ITPR2: variants seen among roughly 807,000 people sequenced by gnomAD.
The protein encoded by ITPR2 is inositol 1,4,5-trisphosphate-gated calcium channel ITPR2.
ITPR2 carries 207 observed loss-of-function variants against 317.1 expected under a neutral mutation model. That is an observed-to-expected ratio of 0.65 (90% confidence interval 0.58 to 0.73). The LOEUF is 0.73. ITPR2 is among the 30% of genes least tolerant of loss of function. The pLI is 0.00. For synonymous variants in ITPR2, 1,156 were observed against 1,149.1 expected (o/e 1.01, Z -0.12); for missense variants, 2,613 against 3,284.0 (o/e 0.80, Z 4.99).
intron 2 of ITPR2, among the ~76,000 whole-genome samples, chr12:26,775,949 T>TAC (rs1949957942): frequency 6.8e-6 from 1 of 146,522 alleles, no homozygotes; most frequent in African/African-American, 2.5e-5. Context: ...TATATATATG[T>TAC]ATATGTATAT....
intron 55 of ITPR2, among the ~76,000 whole-genome samples, chr12:26,355,181 C>T (rs1283610165): frequency 6.6e-6 from 1 of 152,324 alleles, no homozygotes. Flanking sequence ...GATTTCCTAA[C>T]ATCACTACTC....
chr12:26,480,250 T>C (rs919808782), intron 43 of ITPR2, among the ~76,000 whole-genome samples: 7 of 152,242 alleles, frequency 4.6e-5, no homozygotes, highest in African/African-American at 1.4e-4. Context: ...TAATTTAGTG[T>C]GTATATTAAT....
chr12:26,408,730 G>T (rs1289692791), intron 52 of ITPR2, among the ~76,000 whole-genome samples: 1 of 152,076 alleles, frequency 6.6e-6, no homozygotes, highest in Non-Finnish European at 1.5e-5. Flanking sequence ...GCAATATTTT[G>T]TCTTGAAATC....
intron 52 of ITPR2, among the ~76,000 whole-genome samples, chr12:26,407,627 G>A (rs1422204831): frequency 6.6e-6 from 1 of 152,180 alleles, no homozygotes; most frequent in African/African-American, 2.4e-5. Flanking sequence ...GAAATGAAAT[G>A]ATCTCAAATT....
At chr12:26,608,062 A>C (rs1216289415) in intron 26 of ITPR2, among the ~76,000 whole-genome samples, 2 of 152,168 alleles carry the variant, frequency 1.3e-5, no homozygotes, top group Admixed American at 1.3e-4. Context: ...TGGAGCTTGC[A>C]GTGAGCCGAG....
intron 2 of ITPR2, among the ~76,000 whole-genome samples, chr12:26,747,967 G>C (rs1201619094): frequency 6.6e-6 from 1 of 152,282 alleles, no homozygotes; most frequent in East Asian, 1.9e-4. Context: ...GAATAATTCA[G>C]TCTATCAACT....
intron 52 of ITPR2, chr12:26,406,770 T>C (rs920040937): frequency 6.6e-6 from 1 of 152,218 alleles, no homozygotes; most frequent in African/African-American, 2.4e-5. Context: ...GCTTTCACTC[T>C]ACTTTTGCAG....
At chr12:26,752,822 G>C (rs919492577) in intron 2 of ITPR2, among the ~76,000 whole-genome samples, 4 of 152,100 alleles carry the variant, frequency 2.6e-5, no homozygotes, top group African/African-American at 9.7e-5. Flanking sequence ...ACTAGAGTGA[G>C]GAAACCCCTG....
intron 32 of ITPR2, among the ~76,000 whole-genome samples, chr12:26,580,991 G>C (rs1238082659): frequency 6.6e-6 from 1 of 152,134 alleles, no homozygotes; most frequent in Non-Finnish European, 1.5e-5. Flanking sequence ...AGTGGGAGTG[G>C]TGGGCAGAGA....
Position 26,622,183 on chromosome 12 carries a change from G to A in ITPR2, c.3288+57C>T, listed in dbSNP as rs556179260. ...CTGCAGCCATGAAGTCAGGTTGGAT[G>A]TTATTAACACTTTCAGAGCTTTTGC... On this transcript the variant is annotated intron_variant, in intron 25 of 56. Coordinates refer to ENST00000381340, the MANE Select transcript of ITPR2 (RefSeq NM_002223.4). 4 of 1,496,184 alleles carry A rather than the reference G, an allele frequency of 2.7e-6. No homozygotes were observed. The African/African-American group carries it at 4.2e-5, about 16-fold the overall frequency. 92.7% of individuals were successfully genotyped at this position (1,496,184 alleles called of 1,614,324 possible).
chr12:26,355,232 G>A (rs1290195555), intron 55 of ITPR2, among the ~76,000 whole-genome samples: 2 of 152,126 alleles, frequency 1.3e-5, no homozygotes, highest in African/African-American at 2.4e-5. Context: ...CATACTCATC[G>A]TACATGCTGA....
rs142832577 is a variant in ITPR2 at position 26,689,036 on chromosome 12, C to T, written c.997-2404G>A. 6.2e-3 allele frequency among the ~76,000 whole-genome samples: 940 copies of T among 152,204 alleles called. 9 individuals are homozygous for T. Among genetic ancestry groups the T allele is most frequent in the Middle Eastern group, 0.02 (6 of 294 alleles). ...AGTTAACTATGTGACATGATGGATA[C>T]GTTAATTTGCTTGACTAGAGTAACA... On this transcript the variant is annotated intron_variant, in intron 10 of 56. Transcript: ENST00000381340.
chr12:26,740,810 A>C (rs1949217499), intron 2 of ITPR2, among the ~76,000 whole-genome samples: 1 of 152,238 alleles, frequency 6.6e-6, no homozygotes, highest in Non-Finnish European at 1.5e-5. Context: ...CCTTGTAATG[A>C]TGCTGCACTG....
chr12:26,464,770 A>T (rs1942127417), intron 45 of ITPR2, among the ~76,000 whole-genome samples: 1 of 152,226 alleles, frequency 6.6e-6, no homozygotes, highest in Admixed American at 6.5e-5. Context: ...TATATGTTCT[A>T]TGATCACAGC....
rs67842212 is a variant in ITPR2 at position 26,336,980 on chromosome 12, G to GTTTTTTTTTTTTTTT, written c.*2416_*2417insAAAAAAAAAAAAAAA. On this transcript the variant is annotated 3_prime_UTR_variant, in exon 57 of 57. Coordinates refer to ENST00000381340, the MANE Select transcript of ITPR2 (RefSeq NM_002223.4). ...TTGTCTGCTTCGATTTTTTGTTGCT[G>GTTTTTTTTTTTTTTT]TTTTTTTTTTTTTTGCTTTATAATT... The GTTTTTTTTTTTTTTT allele has an allele frequency of 7.3e-6, 1 of 137,268 alleles. No homozygotes were observed. Among genetic ancestry groups the GTTTTTTTTTTTTTTT allele is most frequent in the Non-Finnish European group, 1.6e-5 (1 of 64,152 alleles). The allele number at this position is 137,268 out of a possible 1,614,324, so 8.5% of individuals were successfully genotyped here.
intron 15 of ITPR2, among the ~76,000 whole-genome samples, chr12:26,660,924 A>C (rs927734286): frequency 2.6e-5 from 4 of 151,708 alleles, no homozygotes; most frequent in Non-Finnish European, 1.5e-5. Flanking sequence ...ATAAAGAAAA[A>C]CAAAGTAATT....
At chr12:26,632,827 T>C (rs1946784248) in intron 21 of ITPR2, among the ~76,000 whole-genome samples, 1 of 152,226 alleles carries the variant, frequency 6.6e-6, no homozygotes, top group African/African-American at 2.4e-5. Context: ...ATGTCATCAT[T>C]CGTATCATGC....
At chr12:26,677,356 T>A (rs1947932065) in intron 13 of ITPR2, among the ~76,000 whole-genome samples, 1 of 152,206 alleles carries the variant, frequency 6.6e-6, no homozygotes, top group Non-Finnish European at 1.5e-5. Context: ...TCTCAGCACT[T>A]TGGGAGGCCA....
At chr12:26,472,674 G>T (rs536752314) in intron 45 of ITPR2, among the ~76,000 whole-genome samples, 6 of 151,984 alleles carry the variant, frequency 3.9e-5, no homozygotes, top group African/African-American at 1.5e-4. Flanking sequence ...CTCTTCAAGC[G>T]CTGTAATAAA....
Sources: allele counts gnomAD v4.1 joint callset (sites outside exome capture counted in the v4.1 genomes callset), GRCh38; gene constraint gnomAD v4.1.1; transcripts MANE v1.5; gene names NCBI Gene and HGNC (gene_info 2026-07-23, HGNC 2026-07-21).